Variants in DQX1 observed in about 807,000 individuals in gnomAD.
DQX1 encodes DEAQ-box RNA dependent ATPase 1, also known as ATP-dependent RNA helicase homolog DQX1.
In DQX1, 66 loss-of-function variants were observed where a neutral mutation model predicts 81.3. That is an observed-to-expected ratio of 0.81 (90% CI 0.67 to 1.00). The LOEUF is 1.00. Among genes scored for constraint, DQX1 ranks in the 50% least tolerant of loss-of-function variants. DQX1 has a pLI of 0.00. For missense variants in DQX1, 798 were observed against 867.9 expected (o/e 0.92, Z 1.01); for synonymous variants, 290 against 350.0 (o/e 0.83, Z 1.91).
rs760123100 is a variant in DQX1, at chr2:74,521,649, G to GA, written c.1495+930dup. Among the ~76,000 whole-genome samples the GA allele has an allele frequency of 1.3e-3, 154 of 122,068 alleles. 1 individual carries two copies. The highest frequency in any genetic ancestry group is 4.1e-3 in the Middle Eastern group (1 of 244). 80.1% of individuals were successfully genotyped at this position (122,068 alleles called of 152,430 possible). ...TGGGTGACAGAGTGAGACTTTGTCT[G>GA]AAAAAAAAAAAAAAGAAAAAGAAAA... is the stretch of plus-strand genomic sequence containing the variant. On this transcript the variant is annotated intron_variant, in intron 8 of 11. Transcript: ENST00000404568.
rs1448464444 is a variant in DQX1 at position 74,523,461 on chromosome 2, A to G, written c.893T>C (p.Leu298Pro). ...LLLQGLPPRV[L>P]PLHPDCGRAV... Reference sequence around the variant, plus strand: ...TCGTCCACAGTCTGGGTGAAGGGGCAGTACTCGTGGTGGAAGCCCTTGGAG... The same window carrying G: ...TCGTCCACAGTCTGGGTGAAGGGGCGGTACTCGTGGTGGAAGCCCTTGGAG... Residue 298 changes from leucine to proline, a missense_variant, in exon 5 of 12, where the codon CTG becomes CCG. Physicochemically the swap from Leu to Pro is moderately conservative, Grantham distance 98. Coordinates refer to ENST00000404568, the MANE Select transcript of DQX1 (RefSeq NM_133637.3). 1.2e-6 allele frequency: 2 copies of G among 1,613,596 alleles called. No individual in the cohort carries two copies. Among genetic ancestry groups the G allele is most frequent in the Non-Finnish European group, 1.7e-6 (2 of 1,179,782 alleles).
intron 8 of DQX1, 125 bp downstream of exon 8, chr2:74,522,455 C>T (rs1675052585): frequency 1.7e-6 from 2 of 1,178,646 alleles, no homozygotes; most frequent in Non-Finnish European, 2.4e-6. Context: ...AAGCCTGGTT[C>T]TTTAGGCATT....
In DQX1 at chr2:74,522,692, C is replaced by G. The variant is rs1342864747; in HGVS notation, c.1383G>C (p.Leu461=). 1 of 1,614,210 alleles carries G rather than the reference C, an allele frequency of 6.2e-7. No homozygotes were observed. The highest frequency in any genetic ancestry group is 1.1e-5 in the South Asian group (1 of 91,086). The change falls in exon 8 of 12, where the codon CTG becomes CTC. Residue 461 remains leucine, a synonymous_variant. Coordinates refer to ENST00000404568, the MANE Select transcript of DQX1 (RefSeq NM_133637.3). ...ALDDDGDLSD[L]GVILSEFPLA... is the part of the protein sequence containing the mutation. Reference sequence around the variant, plus strand: ...GAGGGAATTCTGATAGTATGACACCCAGATCTGACAGGTCCCCATCATCAT... The same window carrying G: ...GAGGGAATTCTGATAGTATGACACCGAGATCTGACAGGTCCCCATCATCAT...
chr2:74,523,178 C>G lies in DQX1; in HGVS notation c.1085G>C (p.Arg362Thr), dbSNP rs756876809. 2 of 1,614,178 alleles carry G rather than the reference C, an allele frequency of 1.2e-6. No individual in the cohort carries two copies. Among genetic ancestry groups the G allele is most frequent in the South Asian group, 2.2e-5 (2 of 91,086 alleles). The change falls in exon 6 of 12, where the codon AGG becomes ACG. Residue 362 changes from arginine (R) to threonine (T), a missense_variant. Physicochemically the swap from Arg to Thr is moderately conservative, Grantham distance 71. Transcript: ENST00000404568. ...CTCTGCCTGACACTTGCTGATTGGCCTCAACACTTGGAATTCTGCTCGGAT... is the reference window on the plus strand; with the variant it reads ...CTCTGCCTGACACTTGCTGATTGGCGTCAACACTTGGAATTCTGCTCGGAT... ...PRIRAEFQVL[R>T]PISKCQAEAR... is the part of the protein sequence containing the mutation.
Position 74,522,617 on chromosome 2 carries a change from A to T in DQX1, c.1458T>A (p.Cys486Ter). 6.2e-7 allele frequency: 1 copy of T among 1,614,188 alleles called. No individual in the cohort carries two copies. The highest frequency in any genetic ancestry group is 8.5e-7 in the Non-Finnish European group (1 of 1,180,028). Residue 486 changes from cysteine (C) to a stop codon, truncating the protein, a stop_gained, in exon 8 of 12, where the codon TGT (cysteine) becomes TGA (stop). Coordinates refer to ENST00000404568, the MANE Select transcript of DQX1 (RefSeq NM_133637.3). LOFTEE classifies it high-confidence loss of function. The part of the protein sequence containing the change: ...KALLASCEFD[C>*]VDEMLTLAAM... ...CAGCCAGGGTGAGCATCTCGTCCAC[A>T]CAGTCAAACTCGCATGAGGCCAGCA...
chr2:74,525,757 G>A lies in DQX1; in HGVS notation c.-19-9C>T. On this transcript the variant is annotated splice_polypyrimidine_tract_variant and intron_variant, in intron 1 of 11. Transcript: ENST00000404568. This position sits in a 1 kb window ranked among gnomAD's most constrained non-coding sequence, Gnocchi z 4.1. ...TGGCTCTCTGGCAGGACCTGCAGAA[G>A]GCAGAGCAGCCAGTAAGGTCATATT... The A allele has an allele frequency of 6.5e-7, 1 of 1,539,416 alleles. No individual in the cohort carries two copies. Among genetic ancestry groups the A allele is most frequent in the Non-Finnish European group, 8.8e-7 (1 of 1,137,644 alleles).
intron 4 of DQX1, 173 bp downstream of exon 4, chr2:74,523,750 G>T: frequency 8.8e-7 from 1 of 1,136,650 alleles, no homozygotes; most frequent in Non-Finnish European, 1.2e-6. Flanking sequence ...TCTTTACCCT[G>T]AAATCCTCAA....
In DQX1 at chr2:74,519,208, G is replaced by A; in HGVS notation, c.1829C>T (p.Thr610Ile). ...ATGGGTTAGGAGAAGGTAATTTCCA[G>A]TCCCGTCTGTGTCTCTGGCCACCTT... ...FLKVARDTDG[T>I]GNYLLLTHKH... Residue 610 changes from threonine to isoleucine, a missense_variant, in exon 11 of 12, where the codon ACT becomes ATT. Coordinates refer to ENST00000404568, the MANE Select transcript of DQX1 (RefSeq NM_133637.3). The A allele has an allele frequency of 1.3e-6, 2 of 1,577,360 alleles. No individual in the cohort carries two copies. Among genetic ancestry groups the A allele is most frequent in the South Asian group, 1.2e-5 (1 of 86,126 alleles).
Position 74,525,185 on chromosome 2 carries a change from T to C in DQX1, c.255A>G (p.Ala85=), listed in dbSNP as rs368735778. 65 of 1,584,182 alleles carry C rather than the reference T, an allele frequency of 4.1e-5. No individual in the cohort carries two copies. In the African/African-American group the frequency reaches 8.6e-4, roughly 21 times the overall value. ...GKSTQIPQWC[A]EFALARGFQK... The stretch of plus-strand genomic sequence containing the variant: ...GGAACCCTCTGGCCAGCGCAAACTC[T>C]GCACACCACTGAGGGATCTGGGATA... The change falls in exon 3 of 12, where the codon GCA becomes GCG. Residue 85 remains alanine (A), a synonymous_variant. Coordinates refer to ENST00000404568, the MANE Select transcript of DQX1 (RefSeq NM_133637.3). This position sits in a 1 kb window ranked among gnomAD's most constrained non-coding sequence, Gnocchi z 4.1.
Position 74,525,626 on chromosome 2 carries a change from T to C in DQX1, c.104A>G (p.Tyr35Cys), listed in dbSNP as rs1177909996. The C allele has an allele frequency of 2.6e-6, 4 of 1,551,812 alleles. No homozygotes were observed. In the Admixed American group the frequency reaches 5.9e-5, roughly 23 times the overall value. Reference protein sequence around the residue: ...PFDGLPFSSRYYELLKQRQAL... With the variant: ...PFDGLPFSSRCYELLKQRQAL... ...TTGGCGCTGCTTCAGCAGCTCATAGTAGCGGGAAGAGAAGGGAAGCCCATC... is the reference window on the plus strand; with the variant it reads ...TTGGCGCTGCTTCAGCAGCTCATAGCAGCGGGAAGAGAAGGGAAGCCCATC... The change falls in exon 2 of 12, where the codon TAC becomes TGC. Residue 35 changes from tyrosine (Y) to cysteine (C), a missense_variant. By Grantham distance (194) the Tyr-to-Cys change is radical. Transcript: ENST00000404568. This position sits in a 1 kb window ranked among gnomAD's most constrained non-coding sequence, Gnocchi z 4.1.
At position 74,525,744 on chromosome 2, in the gene DQX1, A is replaced by G. The variant is rs2104345195; in HGVS notation, c.-15T>C. 6.5e-7 allele frequency: 1 copy of G among 1,548,088 alleles called. No homozygotes were observed. Among genetic ancestry groups the G allele is most frequent in the Non-Finnish European group, 8.7e-7 (1 of 1,144,462 alleles). On this transcript the variant is annotated 5_prime_UTR_variant, in exon 2 of 12. Coordinates refer to ENST00000404568, the MANE Select transcript of DQX1 (RefSeq NM_133637.3). This position sits in a 1 kb window ranked among gnomAD's most constrained non-coding sequence, Gnocchi z 4.1. Reference sequence around the variant, plus strand: ...TGAGAGGTCATGGTGGCTCTCTGGCAGGACCTGCAGAAGGCAGAGCAGCCA... The same window carrying G: ...TGAGAGGTCATGGTGGCTCTCTGGCGGGACCTGCAGAAGGCAGAGCAGCCA...
rs1406407966 is a variant in DQX1 at position 74,523,163 on chromosome 2, C to T, written c.1100G>A (p.Cys367Tyr). The T allele has an allele frequency of 2.5e-6, 4 of 1,614,210 alleles. No homozygotes were observed. Among genetic ancestry groups the T allele is most frequent in the Admixed American group, 1.7e-5 (1 of 60,030 alleles). Residue 367 changes from cysteine to tyrosine, a missense_variant, in exon 6 of 12, where the codon TGT (cysteine) becomes TAT (tyrosine). By Grantham distance (194) the Cys-to-Tyr change is radical (BLOSUM62 -2). Transcript: ENST00000404568. ...EFQVLRPISK[C>Y]QAEARRLRAR... ...TCGCAATCGTCTTGCCTCTGCCTGA[C>T]ACTTGCTGATTGGCCTCAACACTTG...
rs1675088777 is a variant in DQX1, at chr2:74,523,376, C to T, written c.978G>A (p.Leu326=). 6.2e-7 allele frequency: 1 copy of T among 1,614,172 alleles called. No homozygotes were observed. Among genetic ancestry groups the T allele is most frequent in the Non-Finnish European group, 8.5e-7 (1 of 1,180,030 alleles). ...DARKVVVTHW[L]ADFSFSLPSI... ...AAGGGAGGGAGAAGGAGAAGTCAGC[C>T]AGCCAGTGAGTGACCACAACCTTTC... The change falls in exon 5 of 12, where the codon CTG becomes CTA. Residue 326 remains leucine (L), a synonymous_variant. Coordinates refer to ENST00000404568, the MANE Select transcript of DQX1 (RefSeq NM_133637.3).
chr2:74,519,690 G>C lies in DQX1; in HGVS notation c.1672C>G (p.Gln558Glu). The change falls in exon 10 of 12, where the codon CAA becomes GAA. Residue 558 changes from glutamine (Q) to glutamate (E), a missense_variant. By Grantham distance (29) the Gln-to-Glu change is conservative. Transcript: ENST00000404568. Reference sequence around the variant, plus strand: ...AGTTCTCCCCGAAGTTTATGGGCTTGGCACAATGCTGCCCAATTCAGACCT... The same window carrying C: ...AGTTCTCCCCGAAGTTTATGGGCTTCGCACAATGCTGCCCAATTCAGACCT... ...ARGLNWAALC[Q>E]AHKLRGELLE... The C allele has an allele frequency of 6.2e-7, 1 of 1,614,172 alleles. No individual in the cohort carries two copies. The highest frequency in any genetic ancestry group is 8.5e-7 in the Non-Finnish European group (1 of 1,180,032).
rs1675083502 is a variant in DQX1 at position 74,523,265 on chromosome 2, A to G, written c.1044+45T>C. ...AGGCCAAGACAGATCAGAGTGGGCC[A>G]TTTCTGTCTTTACTACCCCACCGCT... On this transcript the variant is annotated intron_variant, in intron 5 of 11. Transcript: ENST00000404568. 4 of 1,613,712 alleles carry G rather than the reference A, an allele frequency of 2.5e-6. No individual in the cohort carries two copies. The South Asian group carries it at 4.4e-5, about 18-fold the overall frequency.
intron 8 of DQX1, 77 bp downstream of exon 8, chr2:74,522,503 G>C: frequency 6.5e-7 from 1 of 1,529,336 alleles, no homozygotes; most frequent in South Asian, 1.3e-5. Flanking sequence ...GAAAGGGCTA[G>C]CCTCAGGAGC....
In DQX1 at chr2:74,518,472, A is replaced by G. The variant is rs1219992300; in HGVS notation, c.2128T>C (p.Phe710Leu). 1.9e-6 allele frequency: 3 copies of G among 1,613,912 alleles called. No homozygotes were observed. The African/African-American group carries it at 4.0e-5, about 22-fold the overall frequency. The change falls in exon 12 of 12, where the codon TTC (phenylalanine) becomes CTC (leucine). Residue 710 changes from phenylalanine to leucine, a missense_variant. Phe to Leu is a conservative substitution (Grantham distance 22). Coordinates refer to ENST00000404568, the MANE Select transcript of DQX1 (RefSeq NM_133637.3). ...AGSKSSSAQEFRDPCVLQ is the reference protein window; with the variant it reads ...AGSKSSSAQELRDPCVLQ ...CACTGCAGGACACAGGGATCTCTGA[A>G]CTCCTGGGCTGAGGATGATTTGCTC...
Position 74,518,524 on chromosome 2 carries a change from C to T in DQX1, c.2076G>A (p.Arg692=), listed in dbSNP as rs747154027. 10 of 1,614,102 alleles carry T rather than the reference C, an allele frequency of 6.2e-6. No individual in the cohort carries two copies. The East Asian group carries it at 2.0e-4, about 32-fold the overall frequency. Residue 692 remains arginine, a synonymous_variant, in exon 12 of 12, where the codon AGG becomes AGA. Transcript: ENST00000404568. ...CTGCTGTAGAATCTGCCATTCCTTC[C>T]CTTAGCTGGTTCAGAAGGTCTCTGC... ...SESRDLLNQL[R]EGMADSTAGS...
At chr2:74,518,945 C>G in intron 11 of DQX1, 95 bp downstream of exon 11, 2 of 1,281,502 alleles carry the variant, frequency 1.6e-6, no homozygotes, top group Non-Finnish European at 2.1e-6. Flanking sequence ...TTACTAACCA[C>G]TAAGATCCCT....
Sources: allele counts gnomAD v4.1 joint callset (sites outside exome capture counted in the v4.1 genomes callset), GRCh38; gene constraint gnomAD v4.1.1; non-coding constraint Gnocchi (gnomAD v3.1); transcripts MANE v1.5; gene names NCBI Gene and HGNC (gene_info 2026-07-23, HGNC 2026-07-21).